The following SNTG1 variants were observed in gnomAD, a reference collection of about 807,000 sequenced individuals.
SNTG1 encodes the protein syntrophin gamma 1.
SNTG1 carries 39 observed loss-of-function variants against 74.7 expected under a neutral mutation model. That is an observed-to-expected ratio of 0.52 (90% CI 0.40 to 0.68). The LOEUF (loss-of-function observed/expected upper bound fraction) is 0.68. Among genes scored for constraint, SNTG1 ranks in the 30% least tolerant of loss-of-function variants. The pLI is 0.00. For synonymous variants in SNTG1, 254 were observed against 217.1 expected (o/e 1.17, Z -1.49); for missense variants, 685 against 609.5 (o/e 1.12, Z -1.30).
chr8:50,292,307 G>A (rs542195144), intron 2 of SNTG1, among the ~76,000 whole-genome samples: 1 of 152,078 alleles, frequency 6.6e-6, no homozygotes, highest in Admixed American at 6.6e-5. Context: ...GGTCAGTTTG[G>A]GTAAGATATG....
intron 1 of SNTG1, among the ~76,000 whole-genome samples, chr8:49,925,009 C>T (rs771680616): frequency 2.0e-5 from 3 of 151,714 alleles, no homozygotes; most frequent in East Asian, 1.9e-4. Flanking sequence ...AGTAATTATC[C>T]GGATGTGGTG....
chr8:50,720,004 A>G (rs2095483932), intron 17 of SNTG1, among the ~76,000 whole-genome samples: 1 of 152,172 alleles, frequency 6.6e-6, no homozygotes, highest in African/African-American at 2.4e-5. Flanking sequence ...AATACATTTG[A>G]GGGAGAAGTT....
chr8:50,687,692 G>T (rs1296960967), intron 15 of SNTG1, among the ~76,000 whole-genome samples: 1 of 152,178 alleles, frequency 6.6e-6, no homozygotes, highest in African/African-American at 2.4e-5. Context: ...TTAAGCATTA[G>T]GTATATCTTG....
chr8:50,578,806 A>G (rs2094591756), intron 12 of SNTG1, among the ~76,000 whole-genome samples: 1 of 152,154 alleles, frequency 6.6e-6, no homozygotes, highest in African/African-American at 2.4e-5. Context: ...GCCGTGCTGA[A>G]CTGTGAGTCA....
Position 50,601,427 on chromosome 8 carries a change from G to C in SNTG1, c.849+10510G>C, listed in dbSNP as rs557748460. ...TGCTTAATTTCCATGTGTTTGTATG[G>C]CTTCTAAAATTCCTCTTGTTATTTA... On this transcript the variant is annotated intron_variant, in intron 13 of 18. Coordinates refer to ENST00000642720, the MANE Select transcript of SNTG1 (RefSeq NM_018967.5). Among the ~76,000 whole-genome samples, 3 of 152,124 alleles carry C rather than the reference G, an allele frequency of 2.0e-5. No homozygotes were observed. In the East Asian group the frequency reaches 5.8e-4, roughly 29 times the overall value.
At chr8:50,364,951 C>T (rs2092068137) in intron 2 of SNTG1, among the ~76,000 whole-genome samples, 1 of 151,812 alleles carries the variant, frequency 6.6e-6, no homozygotes, top group Non-Finnish European at 1.5e-5. Flanking sequence ...TTTTGCAAAA[C>T]CATAACAAAT....
intron 2 of SNTG1, among the ~76,000 whole-genome samples, chr8:50,222,175 C>A (rs927963927): frequency 3.9e-5 from 6 of 152,178 alleles, no homozygotes; most frequent in African/African-American, 9.7e-5. Flanking sequence ...GGAGAAGTTG[C>A]AAACCTTGTG....
chr8:50,250,479 A>T (rs1586842566), intron 2 of SNTG1, among the ~76,000 whole-genome samples: 1 of 152,162 alleles, frequency 6.6e-6, no homozygotes, highest in East Asian at 1.9e-4. Flanking sequence ...GTTTTCAATG[A>T]TTTTTAACCC....
chr8:50,501,998 T>A (rs542498226), intron 8 of SNTG1, among the ~76,000 whole-genome samples: 1 of 152,122 alleles, frequency 6.6e-6, no homozygotes, highest in South Asian at 2.1e-4. Context: ...TTCTTTTAAT[T>A]TTTTTTAAAT....
At position 50,355,158 on chromosome 8, in the gene SNTG1, G is replaced by A. The variant is rs540248154; in HGVS notation, c.-27-39054G>A. Among the ~76,000 whole-genome samples, 8 of 151,994 alleles carry A rather than the reference G, an allele frequency of 5.3e-5. No homozygotes were observed. In the East Asian group the frequency reaches 1.5e-3, roughly 29 times the overall value. ...AAAACATTCTGCCTGTCAGAGAATT[G>A]TAGTTCAAATATTTTATTTTACAAA... On this transcript the variant is annotated intron_variant, in intron 2 of 18. Coordinates refer to ENST00000642720, the MANE Select transcript of SNTG1 (RefSeq NM_018967.5).
intron 2 of SNTG1, among the ~76,000 whole-genome samples, chr8:50,200,750 T>G (rs1056565020): frequency 6.6e-6 from 1 of 152,012 alleles, no homozygotes. Flanking sequence ...CAAATAGGCC[T>G]CTGTGAAGGG....
chr8:50,334,002 T>C (rs1055990961), intron 2 of SNTG1, among the ~76,000 whole-genome samples: 1 of 152,192 alleles, frequency 6.6e-6, no homozygotes, highest in Admixed American at 6.5e-5. Flanking sequence ...GTTCAAGCGA[T>C]TCTCCTGCTT....
intron 1 of SNTG1, among the ~76,000 whole-genome samples, chr8:49,993,337 AT>A (rs1813864667): frequency 1.4e-5 from 2 of 143,512 alleles, no homozygotes; most frequent in African/African-American, 5.2e-5. Flanking sequence ...TTATTTAAAA[AT>A]TTTTCTTCCT....
intron 9 of SNTG1, among the ~76,000 whole-genome samples, chr8:50,503,186 T>A (rs1313596988): frequency 6.6e-6 from 1 of 152,166 alleles, no homozygotes; most frequent in Admixed American, 6.5e-5. Flanking sequence ...ATCAGAATAT[T>A]TGGTGAATGT....
intron 2 of SNTG1, among the ~76,000 whole-genome samples, chr8:50,224,393 T>G (rs1320937591): frequency 1.3e-5 from 2 of 152,154 alleles, no homozygotes; most frequent in African/African-American, 4.8e-5. Context: ...ACAGACATGC[T>G]TTTACTAAAG....
rs527402601 is a variant in SNTG1 at position 50,111,199 on chromosome 8, G to T, written c.-102-61362G>T. Among the ~76,000 whole-genome samples, 3 of 152,106 alleles carry T rather than the reference G, an allele frequency of 2.0e-5. No individual in the cohort carries two copies. The Middle Eastern group carries it at 0.01, about 517-fold the overall frequency. On this transcript the variant is annotated intron_variant, in intron 1 of 18. Coordinates refer to ENST00000642720, the MANE Select transcript of SNTG1 (RefSeq NM_018967.5). ...AGCTCCCTCACACTTGCTTCCTGAG[G>T]TCACCTACTGTACTTTCCTGCTATG...
At chr8:50,337,486 G>A (rs928176428) in intron 2 of SNTG1, among the ~76,000 whole-genome samples, 1 of 152,144 alleles carries the variant, frequency 6.6e-6, no homozygotes, top group Admixed American at 6.6e-5. Context: ...TTTCCTGCAA[G>A]GAAAGGAGAA....
intron 4 of SNTG1, among the ~76,000 whole-genome samples, chr8:50,403,894 C>A (rs2092836690): frequency 6.6e-6 from 1 of 152,140 alleles, no homozygotes; most frequent in African/African-American, 2.4e-5. Flanking sequence ...AGATTGAAAG[C>A]AAGTCAAGGA....
chr8:50,517,502 G>C (rs149746100), intron 9 of SNTG1, among the ~76,000 whole-genome samples: 3,820 of 150,054 alleles, frequency 0.025, 152 homozygotes, highest in African/African-American at 0.088. Flanking sequence ...TAGCAAATTG[G>C]ATAAAGAGTC....
Sources: allele counts gnomAD v4.1 joint callset (sites outside exome capture counted in the v4.1 genomes callset), GRCh38; gene constraint gnomAD v4.1.1; transcripts MANE v1.5; gene names NCBI Gene and HGNC (gene_info 2026-07-23, HGNC 2026-07-21).